BIRC6: variants seen among roughly 807,000 people sequenced by gnomAD.
BIRC6 encodes the protein dual E2 ubiquitin-conjugating enzyme/E3 ubiquitin-protein ligase BIRC6.
A neutral mutation model predicts 503.3 loss-of-function variants in BIRC6; 98 were observed. That is an observed-to-expected ratio of 0.19 (90% CI 0.17 to 0.23). The LOEUF (loss-of-function observed/expected upper bound fraction) is 0.23. Among genes scored for constraint, BIRC6 ranks in the 10% least tolerant of loss-of-function variants. The pLI is 1.00. For missense variants in BIRC6, 5,360 were observed against 5,806.0 expected (o/e 0.92, Z 2.50); for synonymous variants, 2,240 against 2,078.7 (o/e 1.08, Z -2.11).
intron 66 of BIRC6, among the ~76,000 whole-genome samples, 181 bp downstream of exon 66, chr2:32,575,547 G>A (rs528722275): frequency 2.6e-5 from 4 of 152,214 alleles, no homozygotes; most frequent in African/African-American, 7.2e-5. Flanking sequence ...GATGGATCAC[G>A]AGGTCAGGAG....
chr2:32,440,362 T>C (rs1361498107), intron 16 of BIRC6, among the ~76,000 whole-genome samples: 3 of 152,332 alleles, frequency 2.0e-5, no homozygotes, highest in Middle Eastern at 3.4e-3. Flanking sequence ...TTTGGGAGTA[T>C]ACAGAAAGAG....
At chr2:32,614,030 C>G (rs191574448) in intron 73 of BIRC6, among the ~76,000 whole-genome samples, 3 of 152,116 alleles carry the variant, frequency 2.0e-5, no homozygotes, top group African/African-American at 7.2e-5. Flanking sequence ...TACATAGATA[C>G]CCTGTCATCA....
rs1035788515 is a variant in BIRC6 at position 32,377,311 on chromosome 2, A to G, written c.326-277A>G. ...TGCATATATCATGCTCATTTTCCCT[A>G]TACTGTTGCTGTGTTTATTTCTCAG... On this transcript the variant is annotated intron_variant, in intron 1 of 73. Transcript: ENST00000421745. Among the ~76,000 whole-genome samples, 6 of 151,578 alleles carry G rather than the reference A, an allele frequency of 4.0e-5. No homozygotes were observed. The East Asian group carries it at 7.8e-4, about 20-fold the overall frequency.
chr2:32,501,728 A>C lies in BIRC6; in HGVS notation c.9047A>C (p.His3016Pro). Residue 3016 changes from histidine (H) to proline (P), a missense_variant, in exon 47 of 74, where the codon CAT becomes CCT. His to Pro is a moderately conservative substitution (Grantham distance 77). Around this residue, in one of 16 missense-constraint regions of BIRC6, gnomAD observed 267 missense variants for 287.6 expected, o/e 0.93. Transcript: ENST00000421745. Reference sequence around the variant, plus strand: ...TTTTTCTTAGGAGCAAGTGGATTACATCTCACTAAACATGAAAACTTTCAT... The same window carrying C: ...TTTTTCTTAGGAGCAAGTGGATTACCTCTCACTAAACATGAAAACTTTCAT... ...MAMIIGASGL[H>P]LTKHENFHGG... 1 of 1,610,748 alleles carries C rather than the reference A, an allele frequency of 6.2e-7. No homozygotes were observed. Among genetic ancestry groups the C allele is most frequent in the South Asian group, 1.1e-5 (1 of 90,372 alleles).
At chr2:32,511,201 CTTTTTTTTTTTTTT>C in intron 53 of BIRC6, among the ~76,000 whole-genome samples, 26 of 48,584 alleles carry the variant, frequency 5.4e-4, no homozygotes, top group South Asian at 1.1e-3. Flanking sequence ...CTTTTCTTTT[CTTTTTTTTTTTTTT>C]TTTTTTTTTT....
chr2:32,502,757 A>G, intron 47 of BIRC6, 38 bp from the exon 48 acceptor site: 1 of 1,480,162 alleles, frequency 6.8e-7, no homozygotes, highest in South Asian at 1.2e-5. Flanking sequence ...TATTCACAGG[A>G]ATATATAAAG....
intron 39 of BIRC6, among the ~76,000 whole-genome samples, chr2:32,484,201 G>A (rs1324006008): frequency 2.0e-5 from 3 of 152,094 alleles, no homozygotes; most frequent in Non-Finnish European, 1.5e-5. Flanking sequence ...TTTGGGGGCT[G>A]GGGAGCAGAA....
chr2:32,407,858 G>GT (rs909182672), intron 9 of BIRC6, among the ~76,000 whole-genome samples: 65 of 150,220 alleles, frequency 4.3e-4, no homozygotes, highest in Admixed American at 1.1e-3. Flanking sequence ...GTTAAAAATT[G>GT]TTTTTTTTTC....
In BIRC6 at chr2:32,562,837, C is replaced by T. The variant is rs533735152; in HGVS notation, c.13145-12319C>T. On this transcript the variant is annotated intron_variant, in intron 65 of 73. Coordinates refer to ENST00000421745, the MANE Select transcript of BIRC6 (RefSeq NM_016252.4). ...AACATGTAAGTGTTTATTCATTCAC[C>T]TTTTGAAGAACATCTTGATTGCTTC... Among the ~76,000 whole-genome samples, 10 of 152,258 alleles carry T rather than the reference C, an allele frequency of 6.6e-5. No homozygotes were observed. The East Asian group carries it at 1.9e-3, about 29-fold the overall frequency.
At chr2:32,536,232 A>C (rs554991236) in intron 61 of BIRC6, among the ~76,000 whole-genome samples, 1 of 152,126 alleles carries the variant, frequency 6.6e-6, no homozygotes, top group Non-Finnish European at 1.5e-5. Flanking sequence ...GTAGATTGCA[A>C]AAATTTTGTC....
At chr2:32,575,799 A>C (rs1393258212) in intron 66 of BIRC6, among the ~76,000 whole-genome samples, 1 of 152,052 alleles carries the variant, frequency 6.6e-6, no homozygotes, top group Non-Finnish European at 1.5e-5. Flanking sequence ...GCACACCCTC[A>C]CACACAAGCA....
At chr2:32,470,124 G>T in intron 30 of BIRC6, 44 bp from the exon 31 acceptor site, 1 of 1,350,440 alleles carries the variant, frequency 7.4e-7, no homozygotes, top group South Asian at 1.8e-5. Context: ...TTGAACAATC[G>T]AATTGATTCT....
chr2:32,575,764 C>CAAA (rs1326948239), intron 66 of BIRC6, among the ~76,000 whole-genome samples: 1 of 116,406 alleles, frequency 8.6e-6, no homozygotes, highest in Non-Finnish European at 1.8e-5. Flanking sequence ...GACTCCGTCT[C>CAAA]AAAAAAAAAA....
At chr2:32,455,786 G>A (rs1475773458) in intron 23 of BIRC6, among the ~76,000 whole-genome samples, 1 of 152,164 alleles carries the variant, frequency 6.6e-6, no homozygotes, top group South Asian at 2.1e-4. Flanking sequence ...GCAAGCAATG[G>A]AACGAGTTTC....
chr2:32,521,670 G>A (rs1419419508), intron 57 of BIRC6, among the ~76,000 whole-genome samples: 3 of 151,246 alleles, frequency 2.0e-5, no homozygotes, highest in African/African-American at 2.4e-5. Flanking sequence ...AGTAGAGATG[G>A]GGTTTTGTCA....
At chr2:32,562,038 A>T (rs937189999) in intron 65 of BIRC6, among the ~76,000 whole-genome samples, 4 of 151,944 alleles carry the variant, frequency 2.6e-5, no homozygotes, top group Non-Finnish European at 5.9e-5. Context: ...TGAGACTCCA[A>T]CTTAAAAAAA....
At chr2:32,377,360 G>A (rs1032237065) in intron 1 of BIRC6, among the ~76,000 whole-genome samples, 2 of 151,804 alleles carry the variant, frequency 1.3e-5, no homozygotes, top group African/African-American at 4.8e-5. Flanking sequence ...TTTTATAATA[G>A]CAATTTGGTT....
At chr2:32,385,155 T>A (rs1366488425) in intron 3 of BIRC6, among the ~76,000 whole-genome samples, 2 of 152,266 alleles carry the variant, frequency 1.3e-5, no homozygotes, top group African/African-American at 4.8e-5. Flanking sequence ...TATGATTCTG[T>A]AGCCATCCAC....
intron 65 of BIRC6, among the ~76,000 whole-genome samples, chr2:32,571,062 C>T (rs2059883512): frequency 6.6e-6 from 1 of 152,116 alleles, no homozygotes; most frequent in Admixed American, 6.6e-5. Context: ...CCTCCTGCCT[C>T]AGCCTCCCAA....
Sources: gnomAD v4.1 joint callset for allele counts (sites outside exome capture counted in the v4.1 genomes callset) on GRCh38, gnomAD v4.1.1 for gene constraint, gnomAD v4.1.1 regional missense constraint, MANE v1.5 for transcripts, NCBI Gene and HGNC (gene_info 2026-07-23, HGNC 2026-07-21) for gene names.